The following PHIP variants were observed in gnomAD, a reference collection of about 807,000 sequenced individuals.
PHIP encodes the protein PH-interacting protein.
In PHIP, 54 loss-of-function variants were observed where a neutral mutation model predicts 236.8. The observed-to-expected ratio is 0.23, with a 90% CI of 0.18 to 0.29. The LOEUF is 0.29. Ranked by LOEUF, PHIP falls within the 10% of genes least tolerant of loss-of-function variation. The probability of loss-of-function intolerance (pLI) is 1.00; values close to 1 mark genes in which losing one functional copy is unlikely to be tolerated. For missense variants in PHIP, 1,370 were observed against 2,190.8 expected, an observed-to-expected ratio of 0.63 and a Z score of 7.48; for synonymous variants, 756 against 718.9, an observed-to-expected ratio of 1.05 and a Z score of -0.83.
chr6:79,016,513 T>C (rs751050377), intron 13 of PHIP, 31 bp downstream of exon 13: 8 of 1,347,750 alleles, frequency 5.9e-6, no homozygotes, highest in Non-Finnish European at 8.5e-6. Context: ...AAAATCAATA[T>C]ATACATAATA....
At chr6:78,970,982 GC>G (rs572904066) in intron 24 of PHIP, 94 bp from the exon 25 acceptor site, 67 of 748,868 alleles carry the variant, frequency 8.9e-5, no homozygotes, top group Non-Finnish European at 1.3e-4. Context: ...AAAATCTAAT[GC>G]CTTTTCAGCT....
At chr6:78,954,093 T>A (rs766627127) in intron 35 of PHIP, among the ~76,000 whole-genome samples, 3 of 152,116 alleles carry the variant, frequency 2.0e-5, no homozygotes, top group Non-Finnish European at 4.4e-5. Context: ...TGCTTCACAT[T>A]TAAAACTATT....
At chr6:79,029,508 A>G (rs951613748) in intron 7 of PHIP, among the ~76,000 whole-genome samples, 2 of 152,144 alleles carry the variant, frequency 1.3e-5, no homozygotes, top group Admixed American at 1.3e-4. Context: ...AGCACTATAA[A>G]TGTGTTTTAT....
intron 23 of PHIP, among the ~76,000 whole-genome samples, chr6:78,980,585 TA>T (rs986476088): frequency 6.6e-6 from 1 of 151,984 alleles, no homozygotes; most frequent in Non-Finnish European, 1.5e-5. Flanking sequence ...AAAAGCTTGG[TA>T]AATAAGTTTT....
Position 79,019,867 on chromosome 6 carries a change from C to T in PHIP, c.924-708G>A, listed in dbSNP as rs149668938. ...TTAAATGTTTAATGTTACAGTCAAC[C>T]AATTAGAGAAAATGAAGATTTTTAT... On this transcript the variant is annotated intron_variant, in intron 9 of 39. Coordinates refer to ENST00000275034, the MANE Select transcript of PHIP (RefSeq NM_017934.7). Among the ~76,000 whole-genome samples the T allele has an allele frequency of 4.3e-3, 647 of 152,032 alleles. 3 individuals are homozygous for T. The highest frequency in any genetic ancestry group is 0.015 in the African/African-American group (631 of 41,494).
At chr6:79,006,683 C>T (rs1182296121) in intron 15 of PHIP, among the ~76,000 whole-genome samples, 1 of 151,990 alleles carries the variant, frequency 6.6e-6, no homozygotes, top group Non-Finnish European at 1.5e-5. Context: ...CTAGCTAGCA[C>T]TTACTGCAGT....
At chr6:78,994,619 T>C (rs1315980392) in intron 19 of PHIP, among the ~76,000 whole-genome samples, 1 of 151,964 alleles carries the variant, frequency 6.6e-6, no homozygotes, top group African/African-American at 2.4e-5. Flanking sequence ...AATAAAGCAA[T>C]GGCAGGGTTT....
At chr6:78,983,544 T>G (rs1313391447) in intron 22 of PHIP, among the ~76,000 whole-genome samples, 6 of 152,126 alleles carry the variant, frequency 3.9e-5, no homozygotes, top group Non-Finnish European at 8.8e-5. Context: ...TGGGGATTCC[T>G]TTTTTAAGGG....
chr6:78,975,380 A>G (rs1470577723), intron 24 of PHIP, among the ~76,000 whole-genome samples: 3 of 152,218 alleles, frequency 2.0e-5, no homozygotes. Flanking sequence ...ATTTCAAAAT[A>G]ATCAGAGCTA....
intron 39 of PHIP, among the ~76,000 whole-genome samples, chr6:78,943,120 A>T (rs1334218019): frequency 6.6e-6 from 1 of 152,188 alleles, no homozygotes; most frequent in Admixed American, 6.5e-5. Context: ...GATAAATAAA[A>T]TATTATTAAA....
intron 10 of PHIP, 143 bp downstream of exon 10, chr6:79,018,946 C>G (rs556667233): frequency 5.3e-5 from 29 of 550,312 alleles, no homozygotes; most frequent in Non-Finnish European, 8.5e-5. Flanking sequence ...TATAATAATT[C>G]TCAGTTACTT....
intron 39 of PHIP, 141 bp from the exon 40 acceptor site, chr6:78,941,471 T>C (rs762286742): frequency 2.5e-5 from 14 of 556,618 alleles, no homozygotes; most frequent in Non-Finnish European, 4.3e-5. Flanking sequence ...AAAAAGAACC[T>C]AGAAAACACT....
chr6:78,950,134 A>T (rs924007347), intron 35 of PHIP, among the ~76,000 whole-genome samples: 1 of 152,212 alleles, frequency 6.6e-6, no homozygotes, highest in Non-Finnish European at 1.5e-5. Context: ...GGATTACTTG[A>T]TATAATCATG....
At chr6:79,022,223 CAG>C (rs553172562) in intron 9 of PHIP, among the ~76,000 whole-genome samples, 9 of 152,144 alleles carry the variant, frequency 5.9e-5, no homozygotes, top group African/African-American at 1.7e-4. Context: ...ATCTGTAAAA[CAG>C]GGGTAAAACG....
intron 4 of PHIP, among the ~76,000 whole-genome samples, chr6:79,062,322 T>C (rs1371505273): frequency 1.3e-5 from 2 of 152,160 alleles, no homozygotes; most frequent in Non-Finnish European, 2.9e-5. Flanking sequence ...CTAGTATGAT[T>C]AGCTAAATTA....
In PHIP at chr6:79,007,766, T is replaced by C. The variant is rs181359534; in HGVS notation, c.1525-3908A>G. 6.3e-4 allele frequency among the ~76,000 whole-genome samples: 94 copies of C among 149,336 alleles called. 1 individual carries two copies. The South Asian group carries it at 8.0e-3, about 13-fold the overall frequency. ...ATGCAACTTTTAAAATACCCTAAAA[T>C]AATCTTATGAAATGGACTCATATAC... On this transcript the variant is annotated intron_variant, in intron 15 of 39. Transcript: ENST00000275034.
In PHIP at chr6:78,946,825, C is replaced by A; in HGVS notation, c.4256G>T (p.Ser1419Ile). 1.3e-6 allele frequency: 2 copies of A among 1,583,790 alleles called. No individual in the cohort carries two copies. The highest frequency in any genetic ancestry group is 2.3e-5 in the East Asian group (1 of 43,526). ...AGATTTATAATCTGATAAAACTGAA[C>A]TAATGTGTTCTTCAAAGAAAGCAGA... The part of the protein sequence containing the change: ...RLSAFFEEHI[S>I]SVLSDYKSAL... Residue 1419 changes from serine (S) to isoleucine (I), a missense_variant, in exon 37 of 40, where the codon AGT becomes ATT. Around this residue, in one of 14 missense-constraint regions of PHIP, gnomAD observed 125 missense variants for 235.1 expected, o/e 0.53. Coordinates refer to ENST00000275034, the MANE Select transcript of PHIP (RefSeq NM_017934.7).
chr6:79,025,914 C>A, intron 8 of PHIP, 29 bp downstream of exon 8: 1 of 1,425,934 alleles, frequency 7.0e-7, no homozygotes. Flanking sequence ...ACAACAACAA[C>A]AACAATGTAT....
chr6:79,030,198 G>A (rs1218358099), intron 7 of PHIP, among the ~76,000 whole-genome samples: 5 of 152,054 alleles, frequency 3.3e-5, no homozygotes, highest in African/African-American at 4.8e-5. Flanking sequence ...AACAACAAGC[G>A]AATGAACTAA....
Sources: allele counts gnomAD v4.1 joint callset (sites outside exome capture counted in the v4.1 genomes callset), GRCh38; gene constraint gnomAD v4.1.1; regional missense constraint gnomAD v4.1.1; transcripts MANE v1.5; gene names NCBI Gene and HGNC (gene_info 2026-07-23, HGNC 2026-07-21).